Variants in EXOC4 observed in about 807,000 individuals in gnomAD.
EXOC4 encodes exocyst complex component 4.
In EXOC4, 71 loss-of-function variants were observed where a neutral mutation model predicts 107.2. The ratio of observed to expected loss-of-function variants is 0.66; its 90% CI spans 0.55 to 0.81. EXOC4 has a LOEUF of 0.81. EXOC4 is among the 30% of genes least tolerant of loss of function. The probability of loss-of-function intolerance (pLI) is 0.00; values close to 1 mark genes in which losing one functional copy is unlikely to be tolerated. For missense variants in EXOC4, 1,108 were observed against 1,189.6 expected, an observed-to-expected ratio of 0.93 and a Z score of 1.01; for synonymous variants, 456 against 441.2, an observed-to-expected ratio of 1.03 and a Z score of -0.42.
At chr7:133,717,638 A>C (rs937844472) in intron 10 of EXOC4, among the ~76,000 whole-genome samples, 2 of 152,260 alleles carry the variant, frequency 1.3e-5, no homozygotes, top group East Asian at 3.8e-4. Context: ...AATAATGAGT[A>C]GATGAAGTGT....
At chr7:133,899,096 T>G (rs1799391570) in intron 12 of EXOC4, among the ~76,000 whole-genome samples, 1 of 149,368 alleles carries the variant, frequency 6.7e-6, no homozygotes, top group South Asian at 2.1e-4. Context: ...ATATAAAGCT[T>G]TTTTTTTTTA....
chr7:133,378,309 CAA>C (rs61241527), intron 7 of EXOC4, among the ~76,000 whole-genome samples: 21 of 105,802 alleles, frequency 2.0e-4, no homozygotes, highest in Non-Finnish European at 2.0e-4. Flanking sequence ...GACTCCATCT[CAA>C]AAAAAAAAAA....
chr7:133,629,743 A>G (rs1002767745), intron 9 of EXOC4, among the ~76,000 whole-genome samples: 2 of 151,278 alleles, frequency 1.3e-5, no homozygotes, highest in Admixed American at 6.6e-5. Flanking sequence ...GGGTTTCACC[A>G]TATTGACCAG....
intron 11 of EXOC4, among the ~76,000 whole-genome samples, chr7:133,855,100 T>A (rs1303282308): frequency 6.2e-4 from 60 of 96,002 alleles, no homozygotes; most frequent in African/African-American, 1.1e-3. Context: ...TAAATATATA[T>A]ATAAATATAT....
chr7:133,344,690 C>T (rs1408140414), intron 5 of EXOC4, among the ~76,000 whole-genome samples: 1 of 152,210 alleles, frequency 6.6e-6, no homozygotes, highest in Non-Finnish European at 1.5e-5. Flanking sequence ...TCTGCTTTTA[C>T]ATCCCATCCC....
intron 14 of EXOC4, among the ~76,000 whole-genome samples, chr7:133,984,644 T>G (rs1794072340): frequency 6.6e-6 from 1 of 152,180 alleles, no homozygotes; most frequent in African/African-American, 2.4e-5. Context: ...AGTTATTGTT[T>G]TTGTTATCAC....
chr7:134,088,476 A>C, the EXOC4 span, among the ~76,000 whole-genome samples: 1 of 152,190 alleles, frequency 6.6e-6, no homozygotes, highest in Non-Finnish European at 1.5e-5. Flanking sequence ...TTGAAAAACA[A>C]AACAAAGAAT....
At chr7:133,915,233 G>GATTCATTCATTCATTC (rs113597847) in intron 12 of EXOC4, among the ~76,000 whole-genome samples, 1 of 150,080 alleles carries the variant, frequency 6.7e-6, no homozygotes, top group Non-Finnish European at 1.5e-5. Flanking sequence ...GCAGGGAAGA[G>GATTCATTCATTCATTC]ATTCATTCAT....
intron 9 of EXOC4, among the ~76,000 whole-genome samples, chr7:133,578,981 A>G (rs1472687904): frequency 6.6e-6 from 1 of 151,666 alleles, no homozygotes; most frequent in Non-Finnish European, 1.5e-5. Context: ...AACTTGAAAA[A>G]CTCTAGAATT....
intron 9 of EXOC4, among the ~76,000 whole-genome samples, chr7:133,553,225 T>A (rs1800625293): frequency 6.6e-6 from 1 of 152,220 alleles, no homozygotes. Context: ...GTATTACTAA[T>A]CACAGTGTGT....
intron 17 of EXOC4, among the ~76,000 whole-genome samples, chr7:134,030,247 G>T (rs1327595356): frequency 6.6e-6 from 1 of 152,176 alleles, no homozygotes; most frequent in Non-Finnish European, 1.5e-5. Context: ...GAAATGAAAA[G>T]CATGTGTCCA....
chr7:133,522,674 G>C (rs1009918129), intron 9 of EXOC4, among the ~76,000 whole-genome samples: 1 of 152,054 alleles, frequency 6.6e-6, no homozygotes, highest in East Asian at 1.9e-4. Context: ...GATGGCATAC[G>C]GCACAGAGTA....
At chr7:133,758,297 C>G (rs1795959743) in intron 10 of EXOC4, among the ~76,000 whole-genome samples, 1 of 152,060 alleles carries the variant, frequency 6.6e-6, no homozygotes, top group Non-Finnish European at 1.5e-5. Context: ...TGCCACCATG[C>G]CCGGCTAATT....
chr7:133,828,043 G>C (rs925050280), intron 11 of EXOC4, among the ~76,000 whole-genome samples: 1 of 152,062 alleles, frequency 6.6e-6, no homozygotes, highest in African/African-American at 2.4e-5. Flanking sequence ...GCTTATTTGG[G>C]GTAAGCATTT....
chr7:133,916,846 A>G (rs1485293611), intron 12 of EXOC4, among the ~76,000 whole-genome samples: 1 of 152,238 alleles, frequency 6.6e-6, no homozygotes, highest in African/African-American at 2.4e-5. Context: ...AATTAGTTAC[A>G]GTGACACATG....
intron 1 of EXOC4, among the ~76,000 whole-genome samples, chr7:133,255,112 CTG>C (rs1794985205): frequency 6.6e-6 from 1 of 151,896 alleles, no homozygotes; most frequent in Admixed American, 6.6e-5. Flanking sequence ...CATTTTATCA[CTG>C]TGATTTAGGC....
intron 7 of EXOC4, among the ~76,000 whole-genome samples, chr7:133,433,799 A>G (rs2059376): frequency 0.77 from 117,642 of 152,082 alleles, 46,145 homozygotes; most frequent in East Asian, 0.95. Flanking sequence ...TTGAAAGCTC[A>G]CTTTAAAGAA....
intron 17 of EXOC4, among the ~76,000 whole-genome samples, chr7:134,017,513 A>G (rs1794937973): frequency 6.6e-6 from 1 of 152,228 alleles, no homozygotes; most frequent in Non-Finnish European, 1.5e-5. Flanking sequence ...ATAGATTTAA[A>G]TAATATTACA....
At chr7:134,008,324 C>T (rs1794690963) in intron 17 of EXOC4, among the ~76,000 whole-genome samples, 1 of 152,018 alleles carries the variant, frequency 6.6e-6, no homozygotes, top group Non-Finnish European at 1.5e-5. Flanking sequence ...TTTGTTTTCC[C>T]CTATCAATAA....
Sources: allele counts gnomAD v4.1 joint callset (sites outside exome capture counted in the v4.1 genomes callset), GRCh38; gene constraint gnomAD v4.1.1; transcripts MANE v1.5; gene names NCBI Gene and HGNC (gene_info 2026-07-23, HGNC 2026-07-21).